Variants in PXDNL observed in about 807,000 individuals in gnomAD.
PXDNL encodes the protein probable oxidoreductase PXDNL.
A neutral mutation model predicts 150.8 loss-of-function variants in PXDNL; 145 were observed. The observed-to-expected ratio is 0.96, with a 90% confidence interval of 0.84 to 1.10. The LOEUF (loss-of-function observed/expected upper bound fraction) is 1.10. Among genes scored for constraint, PXDNL ranks in the 50% least tolerant of loss-of-function variants. PXDNL has a pLI of 0.00. For missense variants in PXDNL, 2,087 were observed against 1,873.9 expected, an observed-to-expected ratio of 1.11 and a Z score of -2.10; for synonymous variants, 757 against 725.7, an observed-to-expected ratio of 1.04 and a Z score of -0.69.
chr8:51,705,162 G>C (rs370122967), intron 1 of PXDNL, among the ~76,000 whole-genome samples: 19 of 152,288 alleles, frequency 1.2e-4, no homozygotes, highest in African/African-American at 4.3e-4. Flanking sequence ...GGCATGGGGG[G>C]TCTCCACATA....
At chr8:51,475,279 A>G in intron 6 of PXDNL, 138 bp from the exon 7 acceptor site, 1 of 776,402 alleles carries the variant, frequency 1.3e-6, no homozygotes. Context: ...ATTAACCAAT[A>G]AACAGATTTT....
chr8:51,459,538 G>A (rs1039538120), intron 8 of PXDNL, among the ~76,000 whole-genome samples: 2 of 152,128 alleles, frequency 1.3e-5, no homozygotes, highest in Non-Finnish European at 2.9e-5. Flanking sequence ...AAAACAGGCA[G>A]TAGCACATCA....
At chr8:51,707,227 C>T (rs948374393) in intron 1 of PXDNL, among the ~76,000 whole-genome samples, 1 of 152,130 alleles carries the variant, frequency 6.6e-6, no homozygotes, top group Non-Finnish European at 1.5e-5. Flanking sequence ...AAAACAGAGG[C>T]AGACACATGA....
At chr8:51,701,337 A>G (rs1245011876) in intron 1 of PXDNL, among the ~76,000 whole-genome samples, 2 of 152,154 alleles carry the variant, frequency 1.3e-5, no homozygotes, top group African/African-American at 4.8e-5. Context: ...CCTGCATTAT[A>G]TACTTCTCTT....
chr8:51,447,608 T>C (rs1586114549), intron 11 of PXDNL, among the ~76,000 whole-genome samples: 1 of 152,112 alleles, frequency 6.6e-6, no homozygotes. Context: ...ATGGTGATTT[T>C]GTGACATTCA....
At chr8:51,742,303 T>G (rs1430985040) in intron 1 of PXDNL, among the ~76,000 whole-genome samples, 2 of 152,226 alleles carry the variant, frequency 1.3e-5, no homozygotes, top group African/African-American at 4.8e-5. Flanking sequence ...GAAACTGTTA[T>G]TTTGACTGTG....
At chr8:51,384,058 A>T (rs974299632) in intron 17 of PXDNL, among the ~76,000 whole-genome samples, 1 of 152,216 alleles carries the variant, frequency 6.6e-6, no homozygotes, top group South Asian at 2.1e-4. Context: ...GCTTTGTGAT[A>T]AAGTGTCCTT....
intron 19 of PXDNL, among the ~76,000 whole-genome samples, chr8:51,356,782 T>G (rs1586029612): frequency 2.6e-5 from 4 of 152,270 alleles, no homozygotes; most frequent in Admixed American, 6.5e-5. Flanking sequence ...TAAAAGAAAA[T>G]CCAATCAAAC....
At chr8:51,496,849 G>A (rs146855969) in intron 5 of PXDNL, among the ~76,000 whole-genome samples, 187 of 152,288 alleles carry the variant, frequency 1.2e-3, no homozygotes, top group Middle Eastern at 0.01. Flanking sequence ...TCATGAAAAT[G>A]GCCAACTGCC....
intron 1 of PXDNL, among the ~76,000 whole-genome samples, chr8:51,715,215 A>G (rs1816590071): frequency 6.6e-6 from 1 of 152,350 alleles, no homozygotes; most frequent in South Asian, 2.1e-4. Context: ...CATTTCGCCA[A>G]AGAAGACATA....
At chr8:51,448,004 A>T (rs562263257) in intron 11 of PXDNL, among the ~76,000 whole-genome samples, 2 of 152,320 alleles carry the variant, frequency 1.3e-5, no homozygotes, top group Admixed American at 1.3e-4. Flanking sequence ...AGGAGTGGAG[A>T]TGTGAGCCAA....
chr8:51,390,736 CT>C (rs113916303), intron 17 of PXDNL, among the ~76,000 whole-genome samples: 50 of 148,070 alleles, frequency 3.4e-4, no homozygotes, highest in African/African-American at 8.7e-4. Flanking sequence ...CACAGATTTT[CT>C]TTTTTTTTTA....
At chr8:51,763,739 C>G (rs927765245) in intron 1 of PXDNL, among the ~76,000 whole-genome samples, 2 of 152,024 alleles carry the variant, frequency 1.3e-5, no homozygotes, top group Non-Finnish European at 2.9e-5. Flanking sequence ...TAATTGTTCA[C>G]CACAAGTACA....
intron 12 of PXDNL, among the ~76,000 whole-genome samples, chr8:51,430,101 T>C (rs893542518): frequency 1.3e-5 from 2 of 152,170 alleles, no homozygotes; most frequent in African/African-American, 4.8e-5. Context: ...CGCCAGCTGC[T>C]TTCACCTCCT....
chr8:51,579,687 T>C (rs1169311751), intron 3 of PXDNL, among the ~76,000 whole-genome samples: 1 of 152,098 alleles, frequency 6.6e-6, no homozygotes, highest in Non-Finnish European at 1.5e-5. Context: ...CCATAAAGAT[T>C]TTAATTCTTA....
At chr8:51,463,659 A>G (rs1264390778) in intron 8 of PXDNL, among the ~76,000 whole-genome samples, 2 of 152,230 alleles carry the variant, frequency 1.3e-5, no homozygotes, top group Admixed American at 6.5e-5. Context: ...ATAACAGAAT[A>G]TACTTTCTTC....
chr8:51,355,074 G>A (rs746160595), intron 19 of PXDNL, among the ~76,000 whole-genome samples: 2 of 152,072 alleles, frequency 1.3e-5, no homozygotes, highest in Non-Finnish European at 2.9e-5. Flanking sequence ...ATTAAAAATA[G>A]CAAAAACTGT....
chr8:51,637,513 G>A (rs1814632029), intron 2 of PXDNL, among the ~76,000 whole-genome samples: 1 of 152,186 alleles, frequency 6.6e-6, no homozygotes, highest in South Asian at 2.1e-4. Flanking sequence ...TAAATGACCT[G>A]ATGGAGCTGA....
intron 21 of PXDNL, among the ~76,000 whole-genome samples, chr8:51,329,044 T>C (rs555617131): frequency 1.3e-5 from 2 of 152,264 alleles, no homozygotes; most frequent in South Asian, 2.1e-4. Context: ...AGCCCTTCAG[T>C]GAAATCAATT....
Sources: gnomAD v4.1 joint callset for allele counts (sites outside exome capture counted in the v4.1 genomes callset) on GRCh38, gnomAD v4.1.1 for gene constraint, MANE v1.5 for transcripts, NCBI Gene and HGNC (gene_info 2026-07-23, HGNC 2026-07-21) for gene names.